ASS1: variants seen among roughly 807,000 people sequenced by gnomAD.
ASS1 encodes the protein argininosuccinate synthase.
A neutral mutation model predicts 60.5 loss-of-function variants in ASS1; 58 were observed. The observed-to-expected ratio is 0.96, with a 90% CI of 0.78 to 1.19. The LOEUF is 1.19. Among genes scored for constraint, ASS1 ranks in the 50% most tolerant of loss-of-function variants. The pLI is 0.00. For synonymous variants in ASS1, 200 were observed against 206.9 expected (o/e 0.97, Z 0.29); for missense variants, 454 against 547.3 (o/e 0.83, Z 1.70).
rs914581755 is a variant in ASS1, at chr9:130,470,685, G to A, written c.496-149G>A. On this transcript the variant is annotated intron_variant, in intron 6 of 14. Coordinates refer to ENST00000352480, the MANE Select transcript of ASS1 (RefSeq NM_054012.4). The surrounding 1 kb of genome is among the most constrained non-coding windows in gnomAD (Gnocchi z 4.3). ...CCAGCAATAGGGTCCCCCCAGGGAG[G>A]TGACCGTGACCAACACTAGGAGGTA... The A allele has an allele frequency of 6.2e-6, 5 of 808,020 alleles. No individual in the cohort carries two copies. The highest frequency in any genetic ancestry group is 1.1e-5 in the Non-Finnish European group (5 of 459,612). The allele number at this position is 808,020 out of a possible 1,614,324, so 50.1% of individuals were successfully genotyped here. A position where few individuals can be genotyped will look rare whatever the true frequency, so the allele number is the denominator to read the frequency against.
At chr9:130,449,611 C>T (rs1437075008) in intron 1 of ASS1, among the ~76,000 whole-genome samples, 1 of 152,076 alleles carries the variant, frequency 6.6e-6, no homozygotes, top group African/African-American at 2.4e-5. Flanking sequence ...TACCTATGAG[C>T]AGGGGGTTAA....
At position 130,499,695 on chromosome 9, in the gene ASS1, C is replaced by T. The variant is rs1332956547; in HGVS notation, c.1193+125C>T. ...TGACTGCTGCCCTGCCCTGCCCTGC[C>T]CTGCCCTAGACAAACCCCACTTTCC... is the stretch of plus-strand genomic sequence containing the variant. On this transcript the variant is annotated intron_variant, in intron 14 of 14. Transcript: ENST00000352480. 94 of 994,070 alleles carry T rather than the reference C, an allele frequency of 9.5e-5. 1 individual carries two copies. In the East Asian group the frequency reaches 2.4e-3, roughly 26 times the overall value. 61.6% of individuals were successfully genotyped at this position (994,070 alleles called of 1,614,324 possible).
chr9:130,474,995 G>C (rs1388549120), intron 8 of ASS1, among the ~76,000 whole-genome samples: 3 of 152,252 alleles, frequency 2.0e-5, no homozygotes, highest in Non-Finnish European at 4.4e-5. Context: ...CTGGCCCTGA[G>C]TCACATCGTA....
At chr9:130,496,158 C>T (rs956894854) in intron 13 of ASS1, among the ~76,000 whole-genome samples, 3 of 152,058 alleles carry the variant, frequency 2.0e-5, no homozygotes, top group Non-Finnish European at 2.9e-5. Flanking sequence ...AGATGGTGCA[C>T]ACCTGTAATC....
At chr9:130,484,107 A>T (rs1237897106) in intron 11 of ASS1, among the ~76,000 whole-genome samples, 1 of 152,018 alleles carries the variant, frequency 6.6e-6, no homozygotes, top group Non-Finnish European at 1.5e-5. Flanking sequence ...GCCTCCCATC[A>T]CCATGGCAAC....
At chr9:130,464,004 C>A in intron 4 of ASS1, 107 bp from the exon 5 acceptor site, 2 of 1,213,480 alleles carry the variant, frequency 1.6e-6, no homozygotes, top group Non-Finnish European at 2.4e-6. Context: ...TGTACACGCT[C>A]TGCCCAGCTC....
chr9:130,466,917 G>A, intron 6 of ASS1, 118 bp downstream of exon 6: 2 of 1,187,902 alleles, frequency 1.7e-6, no homozygotes. Flanking sequence ...CATGTGATGG[G>A]GGATTGAACT....
In ASS1 at chr9:130,476,819, G is replaced by A. The variant is rs1846030945; in HGVS notation, c.598-52G>A. The A allele has an allele frequency of 2.6e-6, 4 of 1,521,570 alleles. No homozygotes were observed. The highest frequency in any genetic ancestry group is 3.3e-5 in the Admixed American group (2 of 59,882). The allele number at this position is 1,521,570 out of a possible 1,614,324, so 94.3% of individuals were successfully genotyped here. ...GATCCCCGCGGGAGGTGGGCTGTAG[G>A]GTGTCCAGGGACTGGTATGTCATCT... is the stretch of plus-strand genomic sequence containing the variant. On this transcript the variant is annotated intron_variant, in intron 8 of 14. Transcript: ENST00000352480. This position sits in a 1 kb window ranked among gnomAD's most constrained non-coding sequence, Gnocchi z 4.9.
intron 7 of ASS1, among the ~76,000 whole-genome samples, chr9:130,471,116 G>A (rs1588487318): frequency 6.6e-6 from 1 of 152,294 alleles, no homozygotes; most frequent in South Asian, 2.1e-4. Context: ...ATAGATCATG[G>A]GGACCCGGCC....
At position 130,473,037 on chromosome 9, in the gene ASS1, G is replaced by A. The variant is rs147498150; in HGVS notation, c.597+1522G>A. On this transcript the variant is annotated intron_variant, in intron 8 of 14. Coordinates refer to ENST00000352480, the MANE Select transcript of ASS1 (RefSeq NM_054012.4). Reference sequence around the variant, plus strand: ...GGCCTGGAGCAGGTTACTGAGCTACGGTGGGCAGGTCCTGCGCCCTCCCAG... The same window carrying A: ...GGCCTGGAGCAGGTTACTGAGCTACAGTGGGCAGGTCCTGCGCCCTCCCAG... 1.4e-4 allele frequency among the ~76,000 whole-genome samples: 21 copies of A among 152,286 alleles called. No homozygotes were observed. In the East Asian group the frequency reaches 3.9e-3, roughly 28 times the overall value.
intron 1 of ASS1, among the ~76,000 whole-genome samples, chr9:130,450,974 GGA>G (rs1382719757): frequency 1.3e-5 from 2 of 152,226 alleles, no homozygotes; most frequent in African/African-American, 4.8e-5. Context: ...CACGGAGGCT[GGA>G]ACCAGGAGGC....
At chr9:130,457,131 T>C (rs891482926) in intron 3 of ASS1, among the ~76,000 whole-genome samples, 14 of 152,226 alleles carry the variant, frequency 9.2e-5, no homozygotes, top group Admixed American at 3.3e-4. Flanking sequence ...ATCTCTGTAA[T>C]GTCTGGCTTG....
intron 3 of ASS1, among the ~76,000 whole-genome samples, chr9:130,455,636 A>G (rs1845432231): frequency 6.6e-6 from 1 of 152,226 alleles, no homozygotes; most frequent in South Asian, 2.1e-4. Context: ...CCTGTCCCAT[A>G]CAGGGCATTT....
intron 13 of ASS1, among the ~76,000 whole-genome samples, chr9:130,496,227 C>T (rs1000143993): frequency 1.3e-5 from 2 of 151,442 alleles, no homozygotes; most frequent in African/African-American, 4.9e-5. Context: ...TCAAGACCAG[C>T]CTGGGCAACA....
At position 130,486,570 on chromosome 9, in the gene ASS1, G is replaced by A. The variant is rs561440399; in HGVS notation, c.839-2763G>A. 6.6e-5 allele frequency among the ~76,000 whole-genome samples: 10 copies of A among 152,326 alleles called. No homozygotes were observed. The South Asian group carries it at 1.9e-3, about 28-fold the overall frequency. On this transcript the variant is annotated intron_variant, in intron 11 of 14. Coordinates refer to ENST00000352480, the MANE Select transcript of ASS1 (RefSeq NM_054012.4). ...TTTTACAAGAGTCACGGTGAGGCCT[G>A]AGGAACTCCCGAGGGATTTGAGGGC...
chr9:130,479,678 C>T lies in ASS1; in HGVS notation c.689-38C>T, dbSNP rs142193709. ...GCGGGTGCAGACTCCTCCGCTGAGCCGGGCCCAGAGGCCCACTGCCCTCTC... is the reference window on the plus strand; with the variant it reads ...GCGGGTGCAGACTCCTCCGCTGAGCTGGGCCCAGAGGCCCACTGCCCTCTC... On this transcript the variant is annotated intron_variant, in intron 9 of 14. Transcript: ENST00000352480. 104 of 1,536,686 alleles carry T rather than the reference C, an allele frequency of 6.8e-5. No individual in the cohort carries two copies. The African/African-American group carries it at 1.2e-3, about 18-fold the overall frequency.
Position 130,450,900 on chromosome 9 carries a change from G to T in ASS1, c.-5-1324G>T, listed in dbSNP as rs775357342. ...ACGTTGGTCAGACTCCAGTGGAAAC[G>T]TTCCCAGGCAGAACAAACATGCCCT... On this transcript the variant is annotated intron_variant, in intron 1 of 14. Coordinates refer to ENST00000352480, the MANE Select transcript of ASS1 (RefSeq NM_054012.4). Among the ~76,000 whole-genome samples, 23 of 152,230 alleles carry T rather than the reference G, an allele frequency of 1.5e-4. 1 individual carries two copies. The highest frequency in any genetic ancestry group is 2.9e-5 in the Non-Finnish European group (2 of 68,038).
intron 12 of ASS1, among the ~76,000 whole-genome samples, chr9:130,493,199 G>A (rs1036300559): frequency 6.6e-6 from 1 of 152,128 alleles, no homozygotes; most frequent in African/African-American, 2.4e-5. Context: ...CATCAGACCT[G>A]GGCTCTTCCA....
intron 12 of ASS1, among the ~76,000 whole-genome samples, chr9:130,493,360 C>T (rs1487532480): frequency 6.6e-6 from 1 of 152,246 alleles, no homozygotes; most frequent in Non-Finnish European, 1.5e-5. Flanking sequence ...CACACAACCT[C>T]TGGTTAGCAA....
Sources: allele counts gnomAD v4.1 joint callset (sites outside exome capture counted in the v4.1 genomes callset), GRCh38; gene constraint gnomAD v4.1.1; non-coding constraint Gnocchi (gnomAD v3.1); transcripts MANE v1.5; gene names NCBI Gene and HGNC (gene_info 2026-07-23, HGNC 2026-07-21).